Variants in PHIP observed in about 807,000 individuals in gnomAD.
PHIP encodes PHIP subunit of CUL4-Ring ligase complex.
In PHIP, 54 loss-of-function variants were observed where a neutral mutation model predicts 236.8. The observed-to-expected ratio is 0.23, with a 90% confidence interval of 0.18 to 0.29. The LOEUF is 0.29. Ranked by LOEUF, PHIP falls within the 10% of genes least tolerant of loss-of-function variation. The probability of loss-of-function intolerance (pLI) is 1.00; values close to 1 mark genes in which losing one functional copy is unlikely to be tolerated. For synonymous variants in PHIP, 756 were observed against 718.9 expected, an observed-to-expected ratio of 1.05 and a Z score of -0.83; for missense variants, 1,370 against 2,190.8, an observed-to-expected ratio of 0.63 and a Z score of 7.48.
chr6:79,047,388 T>C (rs888026931), intron 6 of PHIP, among the ~76,000 whole-genome samples: 2 of 152,214 alleles, frequency 1.3e-5, no homozygotes, highest in African/African-American at 2.4e-5. Context: ...TATCCAATCA[T>C]AATACTAATG....
At chr6:79,019,325 T>C (rs921224111) in intron 9 of PHIP, among the ~76,000 whole-genome samples, 166 bp from the exon 10 acceptor site, 1 of 152,066 alleles carries the variant, frequency 6.6e-6, no homozygotes, top group Non-Finnish European at 1.5e-5. Context: ...TCAGAAGATC[T>C]TGTAGAAATT....
chr6:78,948,068 T>C (rs1186862078), intron 35 of PHIP, among the ~76,000 whole-genome samples: 1 of 151,410 alleles, frequency 6.6e-6, no homozygotes, highest in Non-Finnish European at 1.5e-5. Context: ...AGTAAAAGAG[T>C]AAGGAAAAAG....
At chr6:78,946,347 G>A in intron 37 of PHIP, 87 bp from the exon 38 acceptor site, 1 of 1,430,650 alleles carries the variant, frequency 7.0e-7, no homozygotes, top group South Asian at 1.4e-5. Context: ...TTCAATATTT[G>A]TACTATTATG....
At chr6:79,047,465 CTT>C (rs1477789411) in intron 6 of PHIP, among the ~76,000 whole-genome samples, 2 of 152,172 alleles carry the variant, frequency 1.3e-5, no homozygotes, top group Non-Finnish European at 2.9e-5. Flanking sequence ...ATAGCAATCA[CTT>C]TTAAAATTTC....
chr6:78,955,824 T>G, intron 32 of PHIP, 142 bp from the exon 33 acceptor site: 1 of 460,202 alleles, frequency 2.2e-6, no homozygotes. Context: ...CTCCAATAAT[T>G]TATGCACACA....
chr6:78,964,221 G>C (rs1373646720), intron 29 of PHIP, among the ~76,000 whole-genome samples: 8 of 151,738 alleles, frequency 5.3e-5, no homozygotes, highest in Non-Finnish European at 8.8e-5. Flanking sequence ...TTAGCAGTGA[G>C]ATAAAAAAAA....
intron 6 of PHIP, among the ~76,000 whole-genome samples, chr6:79,059,625 A>ATATATATATATATAT (rs1562216779): frequency 8.6e-5 from 5 of 58,206 alleles, no homozygotes; most frequent in Non-Finnish European, 1.2e-4. Flanking sequence ...ATATATATAT[A>ATATATATATATATAT]AAAATGCCAA....
intron 20 of PHIP, among the ~76,000 whole-genome samples, 179 bp from the exon 21 acceptor site, chr6:78,988,528 T>A (rs73464124): frequency 1.4e-3 from 214 of 152,224 alleles, no homozygotes; most frequent in African/African-American, 4.9e-3. Flanking sequence ...GGAGGGATGA[T>A]TGCACCACTG....
chr6:78,936,045 CAAA>C lies in PHIP; in HGVS notation c.*4645_*4647del, dbSNP rs1429230301. 3 of 151,686 alleles carry C rather than the reference CAAA, an allele frequency of 2.0e-5. No homozygotes were observed. The highest frequency in any genetic ancestry group is 1.3e-4 in the Admixed American group (2 of 15,226). 9.4% of individuals were successfully genotyped at this position (151,686 alleles called of 1,614,324 possible). A position where few individuals can be genotyped will look rare whatever the true frequency, so the allele number is the denominator to read the frequency against. On this transcript the variant is annotated 3_prime_UTR_variant, in exon 40 of 40. Transcript: ENST00000275034. Reference sequence around the variant, plus strand: ...TAAAGAAAGGTCCAATCAGTATGTACAAAAAGAAAGGGCACTGCTATTCTGGTG... The same window carrying C: ...TAAAGAAAGGTCCAATCAGTATGTACAAGAAAGGGCACTGCTATTCTGGTG...
intron 9 of PHIP, among the ~76,000 whole-genome samples, chr6:79,023,706 T>A (rs776238035): frequency 1.3e-4 from 20 of 152,128 alleles, no homozygotes; most frequent in Non-Finnish European, 2.9e-5. Context: ...TTATATGTGA[T>A]TCTACATAAA....
At chr6:79,007,985 T>A (rs1305597497) in intron 15 of PHIP, among the ~76,000 whole-genome samples, 1 of 152,116 alleles carries the variant, frequency 6.6e-6, no homozygotes, top group Admixed American at 6.6e-5. Flanking sequence ...AAGCCCTGTC[T>A]CTACTAAAAA....
At chr6:79,063,119 T>G (rs988381041) in intron 4 of PHIP, among the ~76,000 whole-genome samples, 1 of 152,188 alleles carries the variant, frequency 6.6e-6, no homozygotes, top group African/African-American at 2.4e-5. Context: ...TGCCCTGTTT[T>G]GGGGGTTCAT....
chr6:79,052,726 C>G (rs1772859016), intron 6 of PHIP, among the ~76,000 whole-genome samples: 1 of 152,110 alleles, frequency 6.6e-6, no homozygotes, highest in Non-Finnish European at 1.5e-5. Flanking sequence ...AATTAAATAC[C>G]TGATCTCATA....
chr6:78,974,512 G>A (rs1445841184), intron 24 of PHIP, among the ~76,000 whole-genome samples: 1 of 151,404 alleles, frequency 6.6e-6, no homozygotes, highest in Non-Finnish European at 1.5e-5. Context: ...CAGAAGGCAA[G>A]AAATAACTAA....
chr6:79,014,653 G>T (rs938235126), intron 15 of PHIP, among the ~76,000 whole-genome samples: 7 of 151,778 alleles, frequency 4.6e-5, no homozygotes, highest in Admixed American at 3.3e-4. Flanking sequence ...TTAAAAGCAA[G>T]AAATGCTTGA....
At chr6:79,069,323 C>T (rs1372970729) in intron 4 of PHIP, among the ~76,000 whole-genome samples, 4 of 151,536 alleles carry the variant, frequency 2.6e-5, no homozygotes, top group Non-Finnish European at 4.4e-5. Flanking sequence ...CTGTTACTAA[C>T]AGTGTGGGTT....
rs141460914 is a variant in PHIP, at chr6:79,011,090, G to C, written c.1524+3992C>G. 6.4e-4 allele frequency among the ~76,000 whole-genome samples: 97 copies of C among 151,810 alleles called. 1 individual carries two copies. In the South Asian group the frequency reaches 8.1e-3, roughly 13 times the overall value. On this transcript the variant is annotated intron_variant, in intron 15 of 39. Coordinates refer to ENST00000275034, the MANE Select transcript of PHIP (RefSeq NM_017934.7). ...GGGAGTATAGAGCCTTTAGAGTTTA[G>C]AACAACTCTCATCAAAACAAAGCTA...
intron 25 of PHIP, 65 bp from the exon 26 acceptor site, chr6:78,970,238 C>A: frequency 7.1e-7 from 1 of 1,411,680 alleles, no homozygotes; most frequent in Non-Finnish European, 9.8e-7. Context: ...GACTGCTAAA[C>A]ATTGTTGAGA....
chr6:78,988,707 T>A (rs1160373330), intron 20 of PHIP, among the ~76,000 whole-genome samples: 2 of 152,146 alleles, frequency 1.3e-5, no homozygotes, highest in African/African-American at 4.8e-5. Context: ...TGATATTTAC[T>A]TGCTGATTGA....
Sources: gnomAD v4.1 joint callset for allele counts (sites outside exome capture counted in the v4.1 genomes callset) on GRCh38, gnomAD v4.1.1 for gene constraint, MANE v1.5 for transcripts, NCBI Gene and HGNC (gene_info 2026-07-23, HGNC 2026-07-21) for gene names.